KMT2A: variants seen among roughly 807,000 people sequenced by gnomAD.
KMT2A encodes the protein histone-lysine N-methyltransferase 2A.
In KMT2A, 16 loss-of-function variants were observed where a neutral mutation model predicts 345.3. The observed-to-expected ratio is 0.05, with a 90% CI of 0.03 to 0.07. The LOEUF is 0.07. Among genes scored for constraint, KMT2A ranks in the 10% least tolerant of loss-of-function variants. The pLI is 1.00. For synonymous variants in KMT2A, 1,599 were observed against 1,778.6 expected (o/e 0.90, Z 2.54); for missense variants, 3,272 against 4,841.6 (o/e 0.68, Z 9.62).
At chr11:118,481,641 G>A in intron 6 of KMT2A, 74 bp from the exon 7 acceptor site, 1 of 1,476,110 alleles carries the variant, frequency 6.8e-7, no homozygotes, top group East Asian at 2.3e-5. Flanking sequence ...GGATCATATG[G>A]TGGCTCTGTA....
intron 24 of KMT2A, 40 bp from the exon 25 acceptor site, chr11:118,500,947 C>G (rs558656161): frequency 6.5e-7 from 1 of 1,548,918 alleles, no homozygotes; most frequent in South Asian, 1.1e-5. Context: ...CTGCTTCTAT[C>G]CTCTCCCTTA....
chr11:118,504,064 T>C lies in KMT2A; in HGVS notation c.8172T>C (p.Asp2724=). The C allele has an allele frequency of 6.2e-7, 1 of 1,614,154 alleles. No individual in the cohort carries two copies. Among genetic ancestry groups the C allele is most frequent in the South Asian group, 1.1e-5 (1 of 91,080 alleles). The change falls in exon 27 of 36, where the codon GAT becomes GAC. Residue 2724 remains aspartate (D), a synonymous_variant. Transcript: ENST00000534358. The surrounding 1 kb of genome is among the most constrained non-coding windows in gnomAD (Gnocchi z 6.4). The part of the protein sequence containing the change: ...LPKISQLDGV[D]DGTESDTSVT... ...AAATCTCACAGTTGGATGGTGTTGA[T>C]GATGGGACAGAGAGTGATACTAGTG...
chr11:118,503,699 C>A lies in KMT2A; in HGVS notation c.7807C>A (p.Leu2603Ile), dbSNP rs138785863. Reference protein sequence around the residue: ...NLPVQDRNLMLPDGPKPQEDG... With the variant: ...NLPVQDRNLMIPDGPKPQEDG... ...TCCAGTACAGGACAGAAACCTAATG[C>A]TTCCAGATGGCCCCAAACCTCAGGA... Residue 2603 changes from leucine to isoleucine, a missense_variant, in exon 27 of 36, where the codon CTT becomes ATT. Coordinates refer to ENST00000534358, the MANE Select transcript of KMT2A (RefSeq NM_001197104.2). This position sits in a 1 kb window ranked among gnomAD's most constrained non-coding sequence, Gnocchi z 5.3. The A allele has an allele frequency of 2.5e-6, 4 of 1,614,042 alleles. No homozygotes were observed. The African/African-American group carries it at 5.3e-5, about 22-fold the overall frequency.
At position 118,504,968 on chromosome 11, in the gene KMT2A, A is replaced by T. The variant is rs1453010571; in HGVS notation, c.9076A>T (p.Thr3026Ser). ...AGGTCATGGCAACAATCAGGATTTA[A>T]CTAGGAACAGTAGCACCCCTGGCCT... ...EQGHGNNQDL[T>S]RNSSTPGLQV... Residue 3026 changes from threonine (T) to serine (S), a missense_variant, in exon 27 of 36, where the codon ACT becomes TCT. This residue lies in a region of KMT2A where 748 missense variants were observed against 922.2 expected (regional missense o/e 0.81). Coordinates refer to ENST00000534358, the MANE Select transcript of KMT2A (RefSeq NM_001197104.2). The surrounding 1 kb of genome is among the most constrained non-coding windows in gnomAD (Gnocchi z 6.4). The T allele has an allele frequency of 6.2e-7, 1 of 1,614,064 alleles. No homozygotes were observed. The highest frequency in any genetic ancestry group is 8.5e-7 in the Non-Finnish European group (1 of 1,180,032).
chr11:118,520,937 A>G lies in KMT2A; in HGVS notation c.11513+52A>G. On this transcript the variant is annotated intron_variant, in intron 34 of 35. Transcript: ENST00000534358. The surrounding 1 kb of genome is among the most constrained non-coding windows in gnomAD (Gnocchi z 4.3). Reference sequence around the variant, plus strand: ...ACAGAAAACGAATGCAGTTTTTCAAAATCAAAGCAGACCAAATGCTGGAGT... The same window carrying G: ...ACAGAAAACGAATGCAGTTTTTCAAGATCAAAGCAGACCAAATGCTGGAGT... The G allele has an allele frequency of 7.1e-7, 1 of 1,407,978 alleles. No homozygotes were observed. Among genetic ancestry groups the G allele is most frequent in the Non-Finnish European group, 1.0e-6 (1 of 993,168 alleles). 87.2% of individuals were successfully genotyped at this position (1,407,978 alleles called of 1,614,324 possible).
rs1473817613 is a variant in KMT2A, at chr11:118,502,182, G to A, written c.6506-216G>A. Among the ~76,000 whole-genome samples the A allele has an allele frequency of 6.6e-6, 1 of 152,078 alleles. No homozygotes were observed. The highest frequency in any genetic ancestry group is 2.4e-5 in the African/African-American group (1 of 41,398). On this transcript the variant is annotated intron_variant, in intron 26 of 35. Transcript: ENST00000534358. This position sits in a 1 kb window ranked among gnomAD's most constrained non-coding sequence, Gnocchi z 4.9. Reference sequence around the variant, plus strand: ...GCAGGAGAATCGCTGGAACCCAGGAGGTGGAGGTTGCAGTAAGCCGAGATC... The same window carrying A: ...GCAGGAGAATCGCTGGAACCCAGGAAGTGGAGGTTGCAGTAAGCCGAGATC...
At chr11:118,480,059 T>C in intron 5 of KMT2A, 115 bp from the exon 6 acceptor site, 1 of 797,316 alleles carries the variant, frequency 1.3e-6, no homozygotes, top group Non-Finnish European at 2.1e-6. Context: ...TTTTCAACTA[T>C]AAAAATGTGA....
chr11:118,502,987 A>G lies in KMT2A; in HGVS notation c.7095A>G (p.Lys2365=), dbSNP rs2134388368. ...AEPSSVSFSS[K]EALSFPHLHL... is the part of the protein sequence containing the mutation. ...CCTCTTCAGTGTCGTTTTCTTCTAA[A>G]GAGGCCCTCTCCTTCCCACACCTCC... The change falls in exon 27 of 36, where the codon AAA becomes AAG. Residue 2365 remains lysine (K), a synonymous_variant. Coordinates refer to ENST00000534358, the MANE Select transcript of KMT2A (RefSeq NM_001197104.2). The surrounding 1 kb of genome is among the most constrained non-coding windows in gnomAD (Gnocchi z 4.9). 1.2e-6 allele frequency: 2 copies of G among 1,614,172 alleles called. No individual in the cohort carries two copies. The highest frequency in any genetic ancestry group is 1.7e-6 in the Non-Finnish European group (2 of 1,180,036).
intron 5 of KMT2A, among the ~76,000 whole-genome samples, 181 bp downstream of exon 5, chr11:118,478,382 G>A (rs545273174): frequency 6.6e-6 from 1 of 152,330 alleles, no homozygotes; most frequent in African/African-American, 2.4e-5. Flanking sequence ...CTGGGGCCAT[G>A]CTGTCATTAA....
In KMT2A at chr11:118,521,245, C is replaced by A. The variant is rs2135292498; in HGVS notation, c.11514-43C>A. The A allele has an allele frequency of 6.2e-7, 1 of 1,607,300 alleles. No individual in the cohort carries two copies. Among genetic ancestry groups the A allele is most frequent in the Non-Finnish European group, 8.5e-7 (1 of 1,175,086 alleles). ...TCATGTATTCACGCACTTAACCTTA[C>A]TTGCAAAATTTGTGTCTGACCTCTT... is the stretch of plus-strand genomic sequence containing the variant. On this transcript the variant is annotated intron_variant, in intron 34 of 35. Coordinates refer to ENST00000534358, the MANE Select transcript of KMT2A (RefSeq NM_001197104.2). This position sits in a 1 kb window ranked among gnomAD's most constrained non-coding sequence, Gnocchi z 5.3.
At chr11:118,517,671 C>A (rs1555051981) in intron 31 of KMT2A, among the ~76,000 whole-genome samples, 1 of 151,916 alleles carries the variant, frequency 6.6e-6, no homozygotes, top group Admixed American at 6.6e-5. Context: ...AAGACCCTGT[C>A]TCCACAAGAA....
rs782658611 is a variant in KMT2A at position 118,519,699 on chromosome 11, G to A, written c.11228G>A (p.Cys3743Tyr). 1.9e-6 allele frequency: 3 copies of A among 1,614,146 alleles called. No homozygotes were observed. The highest frequency in any genetic ancestry group is 1.7e-5 in the Admixed American group (1 of 60,018). Residue 3743 changes from cysteine to tyrosine, a missense_variant, in exon 32 of 36, where the codon TGT becomes TAT. Coordinates refer to ENST00000534358, the MANE Select transcript of KMT2A (RefSeq NM_001197104.2). ...LIEQLSGAKH[C>Y]RNYKFRFHKP... is the part of the protein sequence containing the mutation. ...GAGCAGCTGTCTGGTGCCAAGCACT[G>A]TCGAAATTACAAATTCCGTTTCCAC...
intron 1 of KMT2A, among the ~76,000 whole-genome samples, chr11:118,445,430 G>C (rs2134181024): frequency 6.6e-6 from 1 of 152,274 alleles, no homozygotes; most frequent in Non-Finnish European, 1.5e-5. Flanking sequence ...TTTATGAGGA[G>C]GCACTTGGTC....
At position 118,436,776 on chromosome 11, in the gene KMT2A, C is replaced by T; in HGVS notation, c.264C>T (p.Ser88=). 3.1e-6 allele frequency: 5 copies of T among 1,604,594 alleles called. No individual in the cohort carries two copies. The highest frequency in any genetic ancestry group is 1.7e-5 in the Admixed American group (1 of 59,620). ...CCGCCTCAGCAGCCTCCTCGTCGTC[C>T]GCCTCGTCTTCGTCTTCGTCATCGT... is the stretch of plus-strand genomic sequence containing the variant. The part of the protein sequence containing the change: ...AAAASAASSS[S]ASSSSSSSSS... Residue 88 remains serine, a synonymous_variant, in exon 1 of 36, where the codon TCC becomes TCT. Transcript: ENST00000534358. The surrounding 1 kb of genome is among the most constrained non-coding windows in gnomAD (Gnocchi z 6.9).
At position 118,526,223 on chromosome 11, in the gene KMT2A, AT is replaced by A. The variant is rs1217313386; in HGVS notation, c.*4058del. The stretch of plus-strand genomic sequence containing the variant: ...AAAATGCAGACATGGTGTCACCTGG[AT>A]TTTTTTCTGCCCATGAATGTTGCCA... On this transcript the variant is annotated 3_prime_UTR_variant, in exon 36 of 36. Transcript: ENST00000534358. The A allele has an allele frequency of 2.2e-4, 48 of 217,958 alleles. No individual in the cohort carries two copies. Among genetic ancestry groups the A allele is most frequent in the South Asian group, 1.7e-3 (9 of 5,350 alleles). 13.5% of individuals were successfully genotyped at this position (217,958 alleles called of 1,614,324 possible).
intron 31 of KMT2A, among the ~76,000 whole-genome samples, chr11:118,514,334 C>G (rs991673918): frequency 6.6e-6 from 1 of 152,170 alleles, no homozygotes; most frequent in Non-Finnish European, 1.5e-5. Context: ...CCTCTTCAGC[C>G]GGATTCATCT....
chr11:118,501,903 A>G, intron 26 of KMT2A, 46 bp downstream of exon 26: 2 of 1,459,110 alleles, frequency 1.4e-6, no homozygotes, highest in African/African-American at 2.8e-5. Context: ...ATCAGCCCAA[A>G]GACTAATTTG....
intron 15 of KMT2A, among the ~76,000 whole-genome samples, chr11:118,492,494 AC>A (rs1950341134): frequency 6.6e-6 from 1 of 152,208 alleles, no homozygotes; most frequent in African/African-American, 2.4e-5. Context: ...CCTGGCTAAC[AC>A]GGTGAAACCC....
chr11:118,482,916 A>C (rs1950161746), intron 8 of KMT2A, among the ~76,000 whole-genome samples: 1 of 151,952 alleles, frequency 6.6e-6, no homozygotes, highest in African/African-American at 2.4e-5. Flanking sequence ...CTGGGTGACA[A>C]AGCAAAACAC....
Sources: gnomAD v4.1 joint callset for allele counts (sites outside exome capture counted in the v4.1 genomes callset) on GRCh38, gnomAD v4.1.1 for gene constraint, gnomAD v4.1.1 regional missense constraint, Gnocchi (gnomAD v3.1) non-coding constraint, MANE v1.5 for transcripts, NCBI Gene and HGNC (gene_info 2026-07-23, HGNC 2026-07-21) for gene names.